RAPGEF6: variants seen among roughly 807,000 people sequenced by gnomAD.
RAPGEF6 encodes Rap guanine nucleotide exchange factor 6, also known as PDZ domain containing guanine nucleotide exchange factor (GEF) 2.
In RAPGEF6, 56 loss-of-function variants were observed where a neutral mutation model predicts 171.4. The observed-to-expected ratio is 0.33, with a 90% CI of 0.26 to 0.41. RAPGEF6 has a LOEUF of 0.41. Ranked by LOEUF, RAPGEF6 falls within the 10% of genes least tolerant of loss-of-function variation. RAPGEF6 has a pLI of 1.00. For missense variants in RAPGEF6, 1,674 were observed against 1,921.4 expected, an observed-to-expected ratio of 0.87 and a Z score of 2.41; for synonymous variants, 692 against 650.1, an observed-to-expected ratio of 1.06 and a Z score of -0.98.
intron 17 of RAPGEF6, among the ~76,000 whole-genome samples, chr5:131,470,279 T>C (rs1421725685): frequency 6.6e-6 from 1 of 152,220 alleles, no homozygotes; most frequent in East Asian, 1.9e-4. Context: ...ATCTTTATCT[T>C]TAGTCCTTTA....
At chr5:131,429,271 A>G (rs1466990617) in intron 26 of RAPGEF6, 55 bp from the exon 27 acceptor site, 1 of 1,388,592 alleles carries the variant, frequency 7.2e-7, no homozygotes, top group African/African-American at 1.5e-5. Flanking sequence ...GGAAAAAAAA[A>G]GAAACCACCC....
At chr5:131,459,392 G>T (rs1753750266) in intron 19 of RAPGEF6, among the ~76,000 whole-genome samples, 1 of 152,096 alleles carries the variant, frequency 6.6e-6, no homozygotes, top group South Asian at 2.1e-4. Context: ...TTATTAGGTA[G>T]GAACTACCAG....
intron 16 of RAPGEF6, among the ~76,000 whole-genome samples, chr5:131,475,163 A>G (rs1432088590): frequency 1.3e-5 from 2 of 152,244 alleles, no homozygotes; most frequent in African/African-American, 2.4e-5. Flanking sequence ...TGCATAAATG[A>G]AAACTATACT....
At chr5:131,571,239 G>A (rs1460836214) in intron 4 of RAPGEF6, among the ~76,000 whole-genome samples, 2 of 151,788 alleles carry the variant, frequency 1.3e-5, no homozygotes, top group East Asian at 1.9e-4. Flanking sequence ...ACCATGCCCC[G>A]CCCCCAACTA....
chr5:131,548,477 C>T (rs1310561552), intron 5 of RAPGEF6, among the ~76,000 whole-genome samples: 1 of 152,186 alleles, frequency 6.6e-6, no homozygotes, highest in East Asian at 1.9e-4. Context: ...GTTAACTACA[C>T]CTACACATTC....
At chr5:131,581,397 CCTT>C (rs1762950750) in intron 4 of RAPGEF6, among the ~76,000 whole-genome samples, 2 of 152,090 alleles carry the variant, frequency 1.3e-5, no homozygotes, top group Admixed American at 1.3e-4. Flanking sequence ...CTATCTTCCT[CCTT>C]CTCTTCTTAC....
At chr5:131,517,063 AC>A (rs1318777506) in intron 7 of RAPGEF6, among the ~76,000 whole-genome samples, 1 of 152,192 alleles carries the variant, frequency 6.6e-6, no homozygotes, top group East Asian at 1.9e-4. Context: ...GTGGGCGCTA[AC>A]AATTGGGTAC....
At chr5:131,511,566 G>A (rs1049721348) in intron 7 of RAPGEF6, among the ~76,000 whole-genome samples, 5 of 146,612 alleles carry the variant, frequency 3.4e-5, no homozygotes, top group Admixed American at 2.1e-4. Flanking sequence ...TGCAGATCTC[G>A]GCTCACTGCA....
intron 9 of RAPGEF6, among the ~76,000 whole-genome samples, chr5:131,506,946 G>C (rs963372978): frequency 6.6e-6 from 1 of 151,410 alleles, no homozygotes; most frequent in East Asian, 1.9e-4. Context: ...CTTTTGGGGG[G>C]AGTCCATCCT....
chr5:131,463,023 G>A (rs1754046924), intron 18 of RAPGEF6, among the ~76,000 whole-genome samples: 1 of 152,090 alleles, frequency 6.6e-6, no homozygotes, highest in Non-Finnish European at 1.5e-5. Flanking sequence ...ATTCCCATGA[G>A]GTATATTCTA....
At chr5:131,552,618 G>A (rs1263921646) in intron 5 of RAPGEF6, among the ~76,000 whole-genome samples, 1 of 151,796 alleles carries the variant, frequency 6.6e-6, no homozygotes, top group Admixed American at 6.6e-5. Flanking sequence ...GCACCACCAC[G>A]CCTGGCTACT....
chr5:131,523,982 A>G (rs1448137480), intron 6 of RAPGEF6, among the ~76,000 whole-genome samples: 1 of 152,222 alleles, frequency 6.6e-6, no homozygotes, highest in Non-Finnish European at 1.5e-5. Flanking sequence ...GCTTCTCAAC[A>G]TAAATTCTGG....
chr5:131,528,313 T>TTATATATATA (rs71590767), intron 6 of RAPGEF6, among the ~76,000 whole-genome samples: 26 of 48,824 alleles, frequency 5.3e-4, no homozygotes, highest in African/African-American at 1.6e-3. Context: ...TATATTTATA[T>TTATATATATA]TATATATATA....
chr5:131,440,351 T>G, intron 23 of RAPGEF6: 1 of 389,718 alleles, frequency 2.6e-6, no homozygotes, highest in Non-Finnish European at 5.0e-6. Context: ...CTGTTTAGTG[T>G]ACCTCAAACT....
chr5:131,547,176 C>T (rs560676788), intron 6 of RAPGEF6, among the ~76,000 whole-genome samples: 11 of 152,266 alleles, frequency 7.2e-5, no homozygotes, highest in South Asian at 2.1e-4. Flanking sequence ...AAACAACTCT[C>T]GAAATAATCT....
intron 22 of RAPGEF6, 31 bp from the exon 23 acceptor site, chr5:131,442,568 G>A: frequency 6.2e-7 from 1 of 1,608,032 alleles, no homozygotes; most frequent in Non-Finnish European, 8.5e-7. Context: ...ATAAGTAACT[G>A]CACGTTTTTA....
chr5:131,457,888 A>T (rs1753629431), intron 19 of RAPGEF6, among the ~76,000 whole-genome samples: 1 of 152,260 alleles, frequency 6.6e-6, no homozygotes, highest in Admixed American at 6.5e-5. Context: ...ATGTAAAGTT[A>T]TCATCAGTTG....
At chr5:131,577,822 G>T (rs1481772125) in intron 4 of RAPGEF6, among the ~76,000 whole-genome samples, 1 of 152,054 alleles carries the variant, frequency 6.6e-6, no homozygotes, top group Non-Finnish European at 1.5e-5. Flanking sequence ...AAACTCACTC[G>T]CATTTCTGAA....
At chr5:131,462,177 T>C (rs1185587504) in intron 18 of RAPGEF6, 89 bp from the exon 19 acceptor site, 4 of 1,099,854 alleles carry the variant, frequency 3.6e-6, no homozygotes, top group African/African-American at 1.6e-5. Flanking sequence ...AAATATCATT[T>C]TACTGTTAAT....
Sources: allele counts gnomAD v4.1 joint callset (sites outside exome capture counted in the v4.1 genomes callset), GRCh38; gene constraint gnomAD v4.1.1; transcripts MANE v1.5; gene names NCBI Gene and HGNC (gene_info 2026-07-23, HGNC 2026-07-21).